The following TRAPPC9 variants were observed in gnomAD, a reference collection of about 807,000 sequenced individuals.
TRAPPC9 encodes the protein IKK2 binding protein.
Under a neutral mutation model 124.0 loss-of-function variants are expected in TRAPPC9, and 83 were observed. The ratio of observed to expected loss-of-function variants is 0.67; its 90% CI spans 0.56 to 0.80. TRAPPC9 has a LOEUF of 0.80. Ranked by LOEUF, TRAPPC9 falls within the 30% of genes least tolerant of loss-of-function variation. TRAPPC9 has a pLI of 0.00. For missense variants in TRAPPC9, 1,302 were observed against 1,508.3 expected, an observed-to-expected ratio of 0.86 and a Z score of 2.27; for synonymous variants, 638 against 617.5, an observed-to-expected ratio of 1.03 and a Z score of -0.49.
chr8:140,239,993 G>A (rs1284898114), intron 16 of TRAPPC9, among the ~76,000 whole-genome samples: 4 of 152,146 alleles, frequency 2.6e-5, no homozygotes, highest in Non-Finnish European at 5.9e-5. Context: ...GGGGGAAGGG[G>A]CAAGTTATGA....
chr8:140,231,481 CTTTTTTTTTTTTTTTTTT>C (rs71320347), intron 16 of TRAPPC9, among the ~76,000 whole-genome samples: 1 of 56,954 alleles, frequency 1.8e-5, no homozygotes, highest in African/African-American at 7.3e-5. Flanking sequence ...ACTGCCTTTT[CTTTTTTTTTTTTTTTTTT>C]TTTTTTTTTT....
intron 15 of TRAPPC9, among the ~76,000 whole-genome samples, chr8:140,258,957 C>A (rs2064333945): frequency 6.6e-6 from 1 of 152,218 alleles, no homozygotes; most frequent in Non-Finnish European, 1.5e-5. Context: ...TCCTGTCAGA[C>A]CATTTCTGAA....
intron 8 of TRAPPC9, among the ~76,000 whole-genome samples, chr8:140,368,428 G>A (rs1273993096): frequency 2.6e-5 from 4 of 152,114 alleles, no homozygotes; most frequent in African/African-American, 7.2e-5. Context: ...TCAGCGCTCC[G>A]CCTGCCCCTG....
intron 21 of TRAPPC9, among the ~76,000 whole-genome samples, chr8:139,832,450 G>A (rs1563848355): frequency 1.3e-5 from 2 of 152,222 alleles, no homozygotes; most frequent in East Asian, 3.9e-4. Context: ...GGACGAGCAG[G>A]TATGGCCCGA....
intron 19 of TRAPPC9, among the ~76,000 whole-genome samples, chr8:139,942,806 C>T (rs369592083): frequency 6.6e-6 from 1 of 152,144 alleles, no homozygotes; most frequent in Non-Finnish European, 1.5e-5. Context: ...CACGTGGAAA[C>T]GAAAGCTCGG....
intron 17 of TRAPPC9, among the ~76,000 whole-genome samples, chr8:140,140,594 T>C (rs1048869144): frequency 2.0e-5 from 3 of 152,158 alleles, no homozygotes; most frequent in Non-Finnish European, 2.9e-5. Flanking sequence ...GAGAGAACAA[T>C]TGTATGCACT....
In TRAPPC9 at chr8:140,087,736, G is replaced by A. The variant is rs760837930; in HGVS notation, c.2557-63657C>T. 5.9e-5 allele frequency among the ~76,000 whole-genome samples: 9 copies of A among 152,058 alleles called. No homozygotes were observed. Among genetic ancestry groups the A allele is most frequent in the East Asian group, 1.9e-4 (1 of 5,162 alleles). On this transcript the variant is annotated intron_variant, in intron 17 of 22. Transcript: ENST00000438773. This position sits in a 1 kb window ranked among gnomAD's most constrained non-coding sequence, Gnocchi z 4.6. ...CACCTCGTCTCCCCTGCCTCTACTCGTCCACGTTTCCCTCTCCACCCTGCA... is the reference window on the plus strand; with the variant it reads ...CACCTCGTCTCCCCTGCCTCTACTCATCCACGTTTCCCTCTCCACCCTGCA...
chr8:140,445,721 A>T (rs1028130054), intron 2 of TRAPPC9, among the ~76,000 whole-genome samples: 1 of 152,244 alleles, frequency 6.6e-6, no homozygotes, highest in African/African-American at 2.4e-5. Context: ...AATGTGATGA[A>T]ATCTTTCAGA....
At chr8:140,322,318 G>A (rs866864705) in intron 9 of TRAPPC9, among the ~76,000 whole-genome samples, 4 of 152,146 alleles carry the variant, frequency 2.6e-5, no homozygotes, top group South Asian at 2.1e-4. Flanking sequence ...ACCCCAAGGA[G>A]AGCTAGGACC....
chr8:140,303,544 A>G (rs2131841018), intron 10 of TRAPPC9, among the ~76,000 whole-genome samples: 1 of 152,378 alleles, frequency 6.6e-6, no homozygotes, highest in Non-Finnish European at 1.5e-5. Flanking sequence ...ACTCTGGTCA[A>G]CAGCAACAGG....
chr8:139,925,977 T>C (rs147946549), intron 19 of TRAPPC9, among the ~76,000 whole-genome samples: 2,359 of 152,282 alleles, frequency 0.015, 30 homozygotes, highest in Non-Finnish European at 0.025. Flanking sequence ...ACAGACCCAA[T>C]GGTGTGCTGC....
intron 17 of TRAPPC9, among the ~76,000 whole-genome samples, chr8:140,108,229 A>ATTTG (rs1356857266): frequency 2.0e-5 from 3 of 152,212 alleles, no homozygotes; most frequent in Non-Finnish European, 4.4e-5. Flanking sequence ...CAAGTCTCTT[A>ATTTG]GTTATTTGGA....
chr8:140,368,877 A>C (rs1382745066), intron 8 of TRAPPC9, among the ~76,000 whole-genome samples: 2 of 152,174 alleles, frequency 1.3e-5, no homozygotes, highest in African/African-American at 4.8e-5. Flanking sequence ...GCGAGACCTC[A>C]TCTCTAAAAA....
intron 17 of TRAPPC9, among the ~76,000 whole-genome samples, chr8:140,033,688 T>TTTTTTTTTTTTTTTTG (rs1563707043): frequency 3.5e-5 from 4 of 115,080 alleles, no homozygotes; most frequent in South Asian, 3.1e-4. Context: ...TTTTTTTTTT[T>TTTTTTTTTTTTTTTTG]TTTTTTTTTT....
intron 9 of TRAPPC9, among the ~76,000 whole-genome samples, chr8:140,358,867 C>A (rs1281529433): frequency 6.6e-6 from 1 of 152,144 alleles, no homozygotes; most frequent in Non-Finnish European, 1.5e-5. Context: ...TCATCAAGAC[C>A]CTACCCTTTC....
chr8:140,391,439 G>A lies in TRAPPC9; in HGVS notation c.1134+6181C>T, dbSNP rs951661356. On this transcript the variant is annotated intron_variant, in intron 7 of 22. Transcript: ENST00000438773. ...TAAGAGTTAAGAAAGTGAGCCGGGT[G>A]CAGTGGCTCACGCCTGTAATCCCAG... Among the ~76,000 whole-genome samples the A allele has an allele frequency of 2.6e-5, 4 of 152,164 alleles. No homozygotes were observed. In the South Asian group the frequency reaches 6.2e-4, roughly 24 times the overall value.
intron 19 of TRAPPC9, among the ~76,000 whole-genome samples, chr8:139,956,991 G>A (rs890522004): frequency 3.9e-5 from 6 of 152,280 alleles, no homozygotes; most frequent in Admixed American, 1.3e-4. Flanking sequence ...CTTCGAGCGG[G>A]AGGGACACGG....
At chr8:139,886,792 A>AT (rs1830043210) in intron 20 of TRAPPC9, among the ~76,000 whole-genome samples, 1 of 152,182 alleles carries the variant, frequency 6.6e-6, no homozygotes, top group Non-Finnish European at 1.5e-5. Flanking sequence ...GGATGAAGGA[A>AT]GGGTGGGCCA....
intron 21 of TRAPPC9, among the ~76,000 whole-genome samples, chr8:139,797,020 G>A (rs889147789): frequency 3.0e-4 from 45 of 152,152 alleles, no homozygotes; most frequent in African/African-American, 9.7e-4. Flanking sequence ...GCATCTTTTC[G>A]TGGCTGCTTG....
Sources: gnomAD v4.1 joint callset for allele counts (sites outside exome capture counted in the v4.1 genomes callset) on GRCh38, gnomAD v4.1.1 for gene constraint, Gnocchi (gnomAD v3.1) non-coding constraint, MANE v1.5 for transcripts, NCBI Gene and HGNC (gene_info 2026-07-23, HGNC 2026-07-21) for gene names.